ZNF226: variants seen among roughly 807,000 people sequenced by gnomAD.
The protein encoded by ZNF226 is Kruppel-associated box protein.
ZNF226 carries 6 observed loss-of-function variants against 11.4 expected under a neutral mutation model. The observed-to-expected ratio is 0.53, with a 90% CI of 0.29 to 1.04. The LOEUF is 1.04. Ranked by LOEUF, ZNF226 falls within the 50% of genes least tolerant of loss-of-function variation. ZNF226 has a pLI of 0.08. For missense variants in ZNF226, 1,058 were observed against 956.5 expected (o/e 1.11, Z -1.40); for synonymous variants, 350 against 322.8 (o/e 1.08, Z -0.90).
chr19:44,178,490 A>C (rs1970854385), downstream of ZNF226: 1 of 152,186 alleles, frequency 6.6e-6, no homozygotes. Flanking sequence ...CATTACTTTA[A>C]TCAGAGTTTA....
At chr19:44,197,320 C>T in the ZNF226 span, among the ~76,000 whole-genome samples, 1 of 152,152 alleles carries the variant, frequency 6.6e-6, no homozygotes, top group African/African-American at 2.4e-5. Context: ...GTGATTGTAC[C>T]AATTTACACT....
intron 2 of ZNF226, among the ~76,000 whole-genome samples, chr19:44,167,151 T>A (rs538648191): frequency 6.6e-6 from 1 of 152,264 alleles, no homozygotes; most frequent in East Asian, 1.9e-4. Flanking sequence ...TCCCAGGCTT[T>A]GGGGAGTAGA....
At chr19:44,165,404 G>A (rs1416721174) in intron 1 of ZNF226, among the ~76,000 whole-genome samples, 1 of 152,096 alleles carries the variant, frequency 6.6e-6, no homozygotes, top group Non-Finnish European at 1.5e-5. Flanking sequence ...TAATGAGCCA[G>A]CCCTACCACT....
At chr19:44,171,925 C>T (rs1970141610) in intron 3 of ZNF226, among the ~76,000 whole-genome samples, 163 bp from the exon 4 acceptor site, 1 of 152,208 alleles carries the variant, frequency 6.6e-6, no homozygotes, top group Non-Finnish European at 1.5e-5. Flanking sequence ...TTTTTCACAG[C>T]AGCACTTTTG....
chr19:44,184,795 A>G, the ZNF226 span, among the ~76,000 whole-genome samples: 1 of 152,128 alleles, frequency 6.6e-6, no homozygotes, highest in East Asian at 1.9e-4. Flanking sequence ...TACCATCTTA[A>G]CCATATTTTA....
At chr19:44,171,318 C>T (rs1970061877) in intron 3 of ZNF226, among the ~76,000 whole-genome samples, 1 of 152,150 alleles carries the variant, frequency 6.6e-6, no homozygotes, top group Non-Finnish European at 1.5e-5. Flanking sequence ...ACAGCTGCTT[C>T]ACCCAGAAAA....
downstream of ZNF226, among the ~76,000 whole-genome samples, chr19:44,181,084 C>G (rs1348254871): frequency 6.6e-6 from 1 of 152,130 alleles, no homozygotes; most frequent in Non-Finnish European, 1.5e-5. Flanking sequence ...TGTGAACTAT[C>G]AAGTTTCAAC....
At chr19:44,180,377 G>A (rs1021101465), downstream of ZNF226, among the ~76,000 whole-genome samples, 5 of 152,218 alleles carry the variant, frequency 3.3e-5, no homozygotes, top group African/African-American at 1.2e-4. Context: ...TTCTCTATTT[G>A]GATTACAATT....
At chr19:44,186,719 G>A in the ZNF226 span, among the ~76,000 whole-genome samples, 1 of 152,016 alleles carries the variant, frequency 6.6e-6, no homozygotes, top group Non-Finnish European at 1.5e-5. Flanking sequence ...CCAGTACTAT[G>A]TCAAATAGTA....
downstream of ZNF226, chr19:44,177,770 G>T: frequency 1.5e-6 from 2 of 1,338,644 alleles, no homozygotes; most frequent in South Asian, 1.6e-5. Context: ...GTGGTCCAAA[G>T]ACAACAAAAC....
At chr19:44,183,282 C>G (rs1970935313), downstream of ZNF226, among the ~76,000 whole-genome samples, 1 of 152,090 alleles carries the variant, frequency 6.6e-6, no homozygotes, top group Non-Finnish European at 1.5e-5. Context: ...AATGTTTTTG[C>G]TTAGGCCCGT....
chr19:44,199,387 G>A, the ZNF226 span, among the ~76,000 whole-genome samples: 1 of 152,010 alleles, frequency 6.6e-6, no homozygotes, highest in Admixed American at 6.6e-5. Context: ...TGTTCCCTGG[G>A]CTGCCTTTTG....
At chr19:44,181,388 AAAAT>A (rs1242832808), downstream of ZNF226, among the ~76,000 whole-genome samples, 2 of 152,120 alleles carry the variant, frequency 1.3e-5, no homozygotes, top group East Asian at 1.9e-4. Context: ...TCTCAAGAAA[AAAAT>A]AAGTTTCATC....
the ZNF226 span, among the ~76,000 whole-genome samples, chr19:44,191,245 A>G: frequency 3.3e-5 from 5 of 152,188 alleles, no homozygotes; most frequent in African/African-American, 1.2e-4. Context: ...AATCAAAACT[A>G]TGGATGTCAA....
At chr19:44,175,333 C>A in intron 5 of ZNF226, 165 bp from the exon 6 acceptor site, 1 of 1,412,288 alleles carries the variant, frequency 7.1e-7, no homozygotes, top group Admixed American at 3.4e-5. Context: ...TTTGGACCAT[C>A]TCTTGGTTTC....
chr19:44,175,159 G>A (rs1357953384), intron 5 of ZNF226: 1 of 1,494,004 alleles, frequency 6.7e-7, no homozygotes, highest in African/African-American at 1.4e-5. Flanking sequence ...CTTCTGGGCT[G>A]TGGTTGTAAA....
At chr19:44,166,270 G>A (rs1448542170) in intron 2 of ZNF226, among the ~76,000 whole-genome samples, 2 of 152,232 alleles carry the variant, frequency 1.3e-5, no homozygotes, top group Non-Finnish European at 2.9e-5. Context: ...GGAGTCTGAG[G>A]CGGGCAGATC....
intron 2 of ZNF226, among the ~76,000 whole-genome samples, chr19:44,169,034 A>T (rs1190795231): frequency 1.9e-5 from 2 of 107,604 alleles, no homozygotes; most frequent in African/African-American, 8.1e-5. Flanking sequence ...TTTGAGACAG[A>T]GTCTCACTCA....
At chr19:44,184,791 C>A in the ZNF226 span, among the ~76,000 whole-genome samples, 1 of 152,144 alleles carries the variant, frequency 6.6e-6, no homozygotes, top group East Asian at 1.9e-4. Context: ...AATTTACCAT[C>A]TTAACCATAT....
Sources: allele counts gnomAD v4.1 joint callset (sites outside exome capture counted in the v4.1 genomes callset), GRCh38; gene constraint gnomAD v4.1.1; transcripts MANE v1.5; gene names NCBI Gene and HGNC (gene_info 2026-07-23, HGNC 2026-07-21).